Variants in SLC6A9 observed in about 807,000 individuals in gnomAD.
The protein encoded by SLC6A9 is solute carrier family 6 member 9.
A neutral mutation model predicts 70.9 loss-of-function variants in SLC6A9; 31 were observed. That is an observed-to-expected ratio of 0.44 (90% CI 0.33 to 0.59). SLC6A9 has a LOEUF of 0.59. Among genes scored for constraint, SLC6A9 ranks in the 20% least tolerant of loss-of-function variants. SLC6A9 has a pLI of 0.04. For synonymous variants in SLC6A9, 310 were observed against 341.3 expected (o/e 0.91, Z 1.01); for missense variants, 631 against 845.2 (o/e 0.75, Z 3.14).
chr1:44,000,704 C>G, intron 12 of SLC6A9, 63 bp downstream of exon 12: 1 of 1,117,648 alleles, frequency 8.9e-7, no homozygotes, highest in East Asian at 2.4e-5. Flanking sequence ...CCGCTGGGTC[C>G]CAAGAGATGG....
intron 1 of SLC6A9, among the ~76,000 whole-genome samples, chr1:44,031,016 TCCC>T (rs950904972): frequency 1.3e-5 from 1 of 74,850 alleles, no homozygotes; most frequent in Non-Finnish European, 2.9e-5. Flanking sequence ...ACGCAGGAGC[TCCC>T]CCCACTTCCC....
At position 43,997,390 on chromosome 1, in the gene SLC6A9, C is replaced by A; in HGVS notation, c.*155G>T. 1.5e-6 allele frequency: 1 copy of A among 675,004 alleles called. No individual in the cohort carries two copies. The highest frequency in any genetic ancestry group is 1.8e-5 in the South Asian group (1 of 55,606). The allele number at this position is 675,004 out of a possible 1,614,324, so 41.8% of individuals were successfully genotyped here. On this transcript the variant is annotated 3_prime_UTR_variant, in exon 14 of 14. Coordinates refer to ENST00000372310, the MANE Select transcript of SLC6A9 (RefSeq NM_001024845.3). The surrounding 1 kb of genome is among the most constrained non-coding windows in gnomAD (Gnocchi z 4.4). ...GACATGTAAACACTGGGGACATGAG[C>A]ATGAATGACTGCACTAGCAGTGGTG...
At chr1:44,017,220 C>A in intron 2 of SLC6A9, 6 of 1,532,232 alleles carry the variant, frequency 3.9e-6, no homozygotes, top group Non-Finnish European at 4.4e-6. Flanking sequence ...ACTTTCACCT[C>A]ATCTCCTCCC....
At chr1:44,014,192 C>T (rs1452570704) in intron 2 of SLC6A9, among the ~76,000 whole-genome samples, 1 of 152,068 alleles carries the variant, frequency 6.6e-6, no homozygotes, top group Non-Finnish European at 1.5e-5. Context: ...GGAATTAAAC[C>T]ATAGCGGCAT....
At chr1:44,006,408 T>G (rs954704395) in intron 5 of SLC6A9, among the ~76,000 whole-genome samples, 2 of 151,892 alleles carry the variant, frequency 1.3e-5, no homozygotes, top group African/African-American at 4.8e-5. Context: ...GCCAACATGT[T>G]GAAACCCTGT....
In SLC6A9 at chr1:44,018,450, TG is replaced by T. The variant is rs776661330; in HGVS notation, c.30+5797del. Among the ~76,000 whole-genome samples, 26 of 151,756 alleles carry T rather than the reference TG, an allele frequency of 1.7e-4. No individual in the cohort carries two copies. Among genetic ancestry groups the T allele is most frequent in the Non-Finnish European group, 3.1e-4 (21 of 67,912 alleles). ...TCTCTACTAAAAATACAAAATTAGC[TG>T]GGCGTGGTGGCACATGCCTGTAATC... On this transcript the variant is annotated intron_variant, in intron 2 of 13. Coordinates refer to ENST00000372310, the MANE Select transcript of SLC6A9 (RefSeq NM_001024845.3). This position sits in a 1 kb window ranked among gnomAD's most constrained non-coding sequence, Gnocchi z 4.2.
intron 2 of SLC6A9, among the ~76,000 whole-genome samples, chr1:44,019,439 G>C (rs56753953): frequency 7.2e-5 from 11 of 152,194 alleles, no homozygotes; most frequent in Non-Finnish European, 1.0e-4. Flanking sequence ...TCATGCGCCT[G>C]GTCCCCAGAC....
At chr1:44,009,241 A>G (rs1191971385) in intron 4 of SLC6A9, among the ~76,000 whole-genome samples, 1 of 134,808 alleles carries the variant, frequency 7.4e-6, no homozygotes, top group African/African-American at 2.8e-5. Context: ...TTTTTTTGAC[A>G]TGGAGTCTCC....
At chr1:44,007,639 C>T (rs1334006507) in intron 5 of SLC6A9, among the ~76,000 whole-genome samples, 2 of 152,232 alleles carry the variant, frequency 1.3e-5, no homozygotes, top group African/African-American at 4.8e-5. Context: ...AGTGCCACTT[C>T]CTAGGCCACC....
chr1:44,000,108 G>A (rs576372341), intron 12 of SLC6A9, among the ~76,000 whole-genome samples: 12 of 152,228 alleles, frequency 7.9e-5, no homozygotes, highest in Non-Finnish European at 1.6e-4. Flanking sequence ...TTCCTCATCT[G>A]TAAAGTGGGG....
At chr1:44,012,189 A>C (rs945655420) in intron 2 of SLC6A9, among the ~76,000 whole-genome samples, 3 of 152,256 alleles carry the variant, frequency 2.0e-5, no homozygotes, top group African/African-American at 7.2e-5. Context: ...ACTCTGGTCA[A>C]TAAGCAAGGC....
chr1:44,030,421 C>CGCCCG (rs915909105), intron 1 of SLC6A9: 76 of 152,656 alleles, frequency 5.0e-4, no homozygotes, highest in African/African-American at 1.7e-3. Context: ...CCCACTCTCC[C>CGCCCG]GCCCGGCCCG....
intron 5 of SLC6A9, among the ~76,000 whole-genome samples, chr1:44,007,572 TC>T (rs1355322802): frequency 4.6e-5 from 7 of 152,170 alleles, no homozygotes; most frequent in African/African-American, 7.2e-5. Flanking sequence ...TTCCATGGCG[TC>T]TTTTGTTCTG....
At position 43,996,508 on chromosome 1, in the gene SLC6A9, T is replaced by G; in HGVS notation, c.*1037A>C. 2 of 278,556 alleles carry G rather than the reference T, an allele frequency of 7.2e-6. No homozygotes were observed. The highest frequency in any genetic ancestry group is 2.2e-5 in the African/African-American group (1 of 45,420). The allele number at this position is 278,556 out of a possible 1,614,324, so 17.3% of individuals were successfully genotyped here. ...TCAGAGACAGGAATAGAAATTTCAT[T>G]AAAATCTATGGACTTTAAAATCCTA... On this transcript the variant is annotated 3_prime_UTR_variant, in exon 14 of 14. Transcript: ENST00000372310.
At chr1:44,021,101 G>A (rs1473255479) in intron 2 of SLC6A9, among the ~76,000 whole-genome samples, 1 of 152,150 alleles carries the variant, frequency 6.6e-6, no homozygotes, top group Non-Finnish European at 1.5e-5. Flanking sequence ...TGAGCTAGTG[G>A]GGGCTCTCTT....
chr1:44,017,251 C>T, intron 2 of SLC6A9: 2 of 1,512,488 alleles, frequency 1.3e-6, no homozygotes, highest in Non-Finnish European at 1.8e-6. Flanking sequence ...CTACCCGCTC[C>T]CCTGGCCCTG....
intron 1 of SLC6A9, among the ~76,000 whole-genome samples, chr1:44,027,189 T>A (rs1469786398): frequency 1.3e-5 from 2 of 152,042 alleles, no homozygotes; most frequent in African/African-American, 4.8e-5. Flanking sequence ...CAAGCAGTAG[T>A]GGGTCACAGA....
chr1:44,002,905 G>C lies in SLC6A9; in HGVS notation c.671C>G (p.Ser224Cys). ...RLPLLGCLGV[S>C]WLVVFLCLIR... ...GAGGCAGAGGAAGACGACCAACCAG[G>C]AGACACCGAGGCAGCCAAGGAGGGG... The change falls in exon 6 of 14, where the codon TCC (serine) becomes TGC (cysteine). Residue 224 changes from serine (S) to cysteine (C), a missense_variant. Physicochemically the swap from Ser to Cys is moderately radical, Grantham distance 112. Coordinates refer to ENST00000372310, the MANE Select transcript of SLC6A9 (RefSeq NM_001024845.3). This position sits in a 1 kb window ranked among gnomAD's most constrained non-coding sequence, Gnocchi z 5.5. 6.2e-7 allele frequency: 1 copy of C among 1,614,098 alleles called. No individual in the cohort carries two copies. Among genetic ancestry groups the C allele is most frequent in the South Asian group, 1.1e-5 (1 of 91,076 alleles).
chr1:44,029,148 C>T (rs924904921), intron 1 of SLC6A9, among the ~76,000 whole-genome samples: 1 of 152,206 alleles, frequency 6.6e-6, no homozygotes, highest in African/African-American at 2.4e-5. Flanking sequence ...CCTGGCCCAC[C>T]TTGACAGTCT....
Sources: gnomAD v4.1 joint callset for allele counts (sites outside exome capture counted in the v4.1 genomes callset) on GRCh38, gnomAD v4.1.1 for gene constraint, Gnocchi (gnomAD v3.1) non-coding constraint, MANE v1.5 for transcripts, NCBI Gene and HGNC (gene_info 2026-07-23, HGNC 2026-07-21) for gene names.